Variants in TMEM108 observed in about 807,000 individuals in gnomAD.
TMEM108 encodes the protein transmembrane protein 108.
In TMEM108, 12 loss-of-function variants were observed where a neutral mutation model predicts 35.1. That is an observed-to-expected ratio of 0.34 (90% confidence interval 0.22 to 0.55). The LOEUF is 0.55. Among genes scored for constraint, TMEM108 ranks in the 20% least tolerant of loss-of-function variants. TMEM108 has a pLI of 0.89. For missense variants in TMEM108, 680 were observed against 753.3 expected, an observed-to-expected ratio of 0.90 and a Z score of 1.14; for synonymous variants, 287 against 308.6, an observed-to-expected ratio of 0.93 and a Z score of 0.73.
intron 2 of TMEM108, among the ~76,000 whole-genome samples, chr3:133,167,144 G>T (rs772516664): frequency 3.9e-5 from 6 of 152,144 alleles, no homozygotes; most frequent in Non-Finnish European, 8.8e-5. Context: ...CACTAGATTA[G>T]CTAGAGAGAG....
intron 2 of TMEM108, among the ~76,000 whole-genome samples, chr3:133,152,230 A>G (rs1310547417): frequency 6.6e-6 from 1 of 152,196 alleles, no homozygotes; most frequent in African/African-American, 2.4e-5. Context: ...TTGCTAAGGA[A>G]CAGCAATAGC....
rs564796080 is a variant in TMEM108, at chr3:133,177,533, A to G, written c.-46-51733A>G. Among the ~76,000 whole-genome samples the G allele has an allele frequency of 4.8e-3, 735 of 152,358 alleles. 8 individuals carry two copies. Among genetic ancestry groups the G allele is most frequent in the African/African-American group, 0.017 (716 of 41,586 alleles). On this transcript the variant is annotated intron_variant, in intron 2 of 5. Coordinates refer to ENST00000321871, the MANE Select transcript of TMEM108 (RefSeq NM_023943.4). ...CAACATACACAAATCAATAAACATAATCCAGCATATAAACAGAACCAACGA... is the reference window on the plus strand; with the variant it reads ...CAACATACACAAATCAATAAACATAGTCCAGCATATAAACAGAACCAACGA...
intron 2 of TMEM108, among the ~76,000 whole-genome samples, chr3:133,168,807 A>G (rs1311734816): frequency 2.6e-5 from 4 of 152,130 alleles, no homozygotes; most frequent in African/African-American, 9.7e-5. Context: ...CTTTGCCTTT[A>G]TGAGCTGTAA....
At chr3:133,259,771 T>A (rs1946599043) in intron 3 of TMEM108, among the ~76,000 whole-genome samples, 1 of 152,156 alleles carries the variant, frequency 6.6e-6, no homozygotes. Context: ...TACTAATACC[T>A]GGAGTATGGG....
At chr3:133,388,826 G>A (rs542812745) in intron 4 of TMEM108, 2 of 985,548 alleles carry the variant, frequency 2.0e-6, no homozygotes, top group South Asian at 4.7e-5. Flanking sequence ...GTGCCAGCTT[G>A]TGCAACTGCC....
intron 2 of TMEM108, among the ~76,000 whole-genome samples, chr3:133,175,944 A>G (rs1945219305): frequency 6.6e-6 from 1 of 152,220 alleles, no homozygotes. Context: ...GTGCAGAGAC[A>G]CACATAGGCT....
chr3:133,099,444 C>A (rs145152425), intron 2 of TMEM108, among the ~76,000 whole-genome samples: 123 of 152,312 alleles, frequency 8.1e-4, no homozygotes, highest in Middle Eastern at 3.4e-3. Context: ...CATTAGGCTC[C>A]TTGCTACTTA....
chr3:133,373,348 CA>C (rs59367666), intron 3 of TMEM108, among the ~76,000 whole-genome samples: 29,772 of 79,738 alleles, frequency 0.37, 3,783 homozygotes, highest in Middle Eastern at 0.52. Context: ...GACCTTGTCT[CA>C]AAAAAAAAAA....
At chr3:133,271,643 T>C (rs1030514811) in intron 3 of TMEM108, among the ~76,000 whole-genome samples, 5 of 152,142 alleles carry the variant, frequency 3.3e-5, no homozygotes, top group Admixed American at 1.3e-4. Flanking sequence ...AAGTGTCTTG[T>C]TTGCAGGGAG....
intron 2 of TMEM108, among the ~76,000 whole-genome samples, chr3:133,213,780 C>T (rs75656768): frequency 0.015 from 2,289 of 152,166 alleles, 77 homozygotes; most frequent in African/African-American, 0.051. Context: ...GACCTTTCTT[C>T]CTGGAGTCAT....
At chr3:133,137,567 G>C (rs1214291263) in intron 2 of TMEM108, among the ~76,000 whole-genome samples, 1 of 152,104 alleles carries the variant, frequency 6.6e-6, no homozygotes, top group Non-Finnish European at 1.5e-5. Context: ...TCTTTGCTTT[G>C]AACTGTTTCT....
chr3:133,131,799 A>G (rs1187087083), intron 2 of TMEM108, among the ~76,000 whole-genome samples: 1 of 152,200 alleles, frequency 6.6e-6, no homozygotes, highest in Admixed American at 6.5e-5. Flanking sequence ...GAAGGAAATT[A>G]AAAGTCCTAC....
intron 2 of TMEM108, among the ~76,000 whole-genome samples, chr3:133,152,925 T>A (rs2107769498): frequency 6.6e-6 from 1 of 152,124 alleles, no homozygotes; most frequent in Non-Finnish European, 1.5e-5. Flanking sequence ...CAGGCTAGAG[T>A]CCTACCTCTA....
intron 2 of TMEM108, among the ~76,000 whole-genome samples, chr3:133,123,255 G>A (rs1211392733): frequency 6.6e-6 from 1 of 151,988 alleles, no homozygotes; most frequent in Non-Finnish European, 1.5e-5. Context: ...CAACATTTAC[G>A]TTTTTCCAGT....
intron 2 of TMEM108, chr3:133,125,012 C>T (rs1277374506): frequency 2.6e-5 from 4 of 152,132 alleles, no homozygotes; most frequent in Non-Finnish European, 5.9e-5. Flanking sequence ...AGCTCTTATG[C>T]TACTCTGAAG....
At position 133,128,877 on chromosome 3, in the gene TMEM108, T is replaced by A. The variant is rs538363692; in HGVS notation, c.-47+82857T>A. Among the ~76,000 whole-genome samples, 5 of 152,268 alleles carry A rather than the reference T, an allele frequency of 3.3e-5. No individual in the cohort carries two copies. The South Asian group carries it at 1.0e-3, about 32-fold the overall frequency. On this transcript the variant is annotated intron_variant, in intron 2 of 5. Coordinates refer to ENST00000321871, the MANE Select transcript of TMEM108 (RefSeq NM_023943.4). ...AACCAAGTAAAAATACCCAGATGGA[T>A]AGCTGATTGTCTGTTCTTCCCATAA...
At chr3:133,334,052 C>G (rs1052942282) in intron 3 of TMEM108, among the ~76,000 whole-genome samples, 1 of 152,080 alleles carries the variant, frequency 6.6e-6, no homozygotes, top group Non-Finnish European at 1.5e-5. Flanking sequence ...TAGAGCCCAT[C>G]CTCATTTTGC....
chr3:133,201,554 G>A (rs1945665963), intron 2 of TMEM108, among the ~76,000 whole-genome samples: 1 of 151,242 alleles, frequency 6.6e-6, no homozygotes, highest in South Asian at 2.1e-4. Flanking sequence ...CATGGTGTTT[G>A]GTTTTCTCTT....
At chr3:133,098,958 C>T (rs1944051950) in intron 2 of TMEM108, among the ~76,000 whole-genome samples, 1 of 152,198 alleles carries the variant, frequency 6.6e-6, no homozygotes, top group Non-Finnish European at 1.5e-5. Flanking sequence ...CCTCTTCTCA[C>T]AGCTCCACTA....
Sources: gnomAD v4.1 joint callset for allele counts (sites outside exome capture counted in the v4.1 genomes callset) on GRCh38, gnomAD v4.1.1 for gene constraint, MANE v1.5 for transcripts, NCBI Gene and HGNC (gene_info 2026-07-23, HGNC 2026-07-21) for gene names.